The following SYP variants were observed in gnomAD, a reference collection of about 807,000 sequenced individuals.
SYP encodes major synaptic vesicle protein P38.
SYP carries 2 observed loss-of-function variants against 24.3 expected under a neutral mutation model. That is an observed-to-expected ratio of 0.08 (90% confidence interval 0.03 to 0.26). The LOEUF is 0.26. Ranked by LOEUF, SYP falls within the 10% of genes least tolerant of loss-of-function variation. The pLI is 1.00. For synonymous variants in SYP, 143 were observed against 123.2 expected (o/e 1.16, Z -1.07); for missense variants, 216 against 266.3 (o/e 0.81, Z 1.32).
At chrX:49,198,233 ATGTCTCTTTT>A (rs2065536016) in intron 2 of SYP, 2 of 198,849 alleles carry the variant, frequency 1.0e-5, no homozygotes, top group Non-Finnish European at 1.8e-5. Flanking sequence ...TGATCTGTCG[ATGTCTCTTTT>A]TGTCTCTTTT....
At chrX:49,191,240 T>G in intron 6 of SYP, 193 bp downstream of exon 6, 1 of 489,920 alleles carries the variant, frequency 2.0e-6, no homozygotes, top group African/African-American at 2.3e-5. Context: ...CATTCTTCTT[T>G]TCTCCATTCA....
intron 5 of SYP, 21 bp downstream of exon 5, chrX:49,193,251 C>T: frequency 1.7e-6 from 2 of 1,209,868 alleles, no homozygotes; most frequent in Non-Finnish European, 2.2e-6. Context: ...CTCCCTCCTC[C>T]AGCCAGCACC....
chrX:49,190,991 T>G (rs1557102599), intron 6 of SYP: 1 of 160,539 alleles, frequency 6.2e-6, no homozygotes, highest in Non-Finnish European at 1.2e-5. Context: ...ACCTTCAAGA[T>G]CCACGCCCAT....
At position 49,200,172 on chromosome X, in the gene SYP, C is replaced by A; in HGVS notation, c.15G>T (p.Ala5=). The A allele has an allele frequency of 1.5e-5, 18 of 1,165,461 alleles. No homozygotes were observed. The highest frequency in any genetic ancestry group is 2.1e-5 in the Non-Finnish European group (18 of 871,927). ...GTACCTGATTCACCACGTCCATGTC[C>A]GCCAGCAGCAGCATCAGCAATGCAG... The part of the protein sequence containing the change: MLLL[A]DMDVVNQLVA... The change falls in exon 1 of 7, where the codon GCG becomes GCT. Residue 5 remains alanine (A), a synonymous_variant. Coordinates refer to ENST00000263233, the MANE Select transcript of SYP (RefSeq NM_003179.3).
At chrX:49,197,677 T>C in intron 3 of SYP, 38 bp downstream of exon 3, 1 of 1,199,131 alleles carries the variant, frequency 8.3e-7, no homozygotes, top group East Asian at 3.0e-5. Context: ...TGCCCCTTCC[T>C]CTCCCAGGTC....
chrX:49,198,895 A>C (rs2065539266), intron 2 of SYP, 73 bp downstream of exon 2: 3 of 1,118,776 alleles, frequency 2.7e-6, no homozygotes, highest in East Asian at 3.1e-5. Context: ...CCCCTACTCC[A>C]CCCCTGCTCT....
At chrX:49,197,528 G>T in intron 3 of SYP, 187 bp downstream of exon 3, 1 of 598,659 alleles carries the variant, frequency 1.7e-6, no homozygotes, top group Non-Finnish European at 2.6e-6. Flanking sequence ...GCCTATGTCT[G>T]CCTTGCTCAC....
At chrX:49,198,024 TC>T in intron 2 of SYP, 185 bp from the exon 3 acceptor site, 2 of 507,939 alleles carry the variant, frequency 3.9e-6, no homozygotes, top group Non-Finnish European at 6.6e-6. Context: ...GGCTGTCTCT[TC>T]CTGTTTCTCT....
In SYP at chrX:49,194,163, C is replaced by T; in HGVS notation, c.423+3G>A. The T allele has an allele frequency of 8.3e-7, 1 of 1,211,119 alleles. No individual in the cohort carries two copies. The highest frequency in any genetic ancestry group is 1.1e-6 in the Non-Finnish European group (1 of 895,310). On this transcript the variant is annotated splice_donor_region_variant and intron_variant, in intron 4 of 6. Transcript: ENST00000263233. ...CTACATGCAAGTGGCTGTGGGGACT[C>T]ACCAGCATGGGCCCTTTGTTATTCT...
Position 49,191,737 on chromosome X carries a change from G to A in SYP, c.642C>T (p.Leu214=), listed in dbSNP as rs1483007323. 8.3e-7 allele frequency: 1 copy of A among 1,207,138 alleles called. No individual in the cohort carries two copies. Among genetic ancestry groups the A allele is most frequent in the Non-Finnish European group, 1.1e-6 (1 of 893,562 alleles). ...SVVFGFLNLV[L]WVGNLWFVFK... ...ACACGAACCACAGGTTGCCGACCCA[G>A]AGCACCAGGTTCAGGAAGCCGAACA... The change falls in exon 6 of 7, where the codon CTC becomes CTT. Residue 214 remains leucine, a synonymous_variant. Coordinates refer to ENST00000263233, the MANE Select transcript of SYP (RefSeq NM_003179.3).
At chrX:49,197,403 T>C (rs2065532340) in intron 3 of SYP, 1 of 292,510 alleles carries the variant, frequency 3.4e-6, no homozygotes. Flanking sequence ...TAATATTGGC[T>C]AACATTAATT....
Position 49,199,522 on chromosome X carries a change from T to G in SYP, c.37-489A>C, listed in dbSNP as rs782459795. Among the ~76,000 whole-genome samples the G allele has an allele frequency of 4.1e-5, 4 of 97,193 alleles. No individual in the cohort carries two copies. In the South Asian group the frequency reaches 2.1e-3, roughly 50 times the overall value. The allele number at this position is 97,193 out of a possible 115,157, so 84.4% of individuals were successfully genotyped here. ...GATGGGGATGGGGAAGGGTTGGGAC[T>G]GATTGGGGGTGAGTTTCTGAGGTGG... On this transcript the variant is annotated intron_variant, in intron 1 of 6. Coordinates refer to ENST00000263233, the MANE Select transcript of SYP (RefSeq NM_003179.3).
At chrX:49,196,896 A>G (rs886666838) in intron 3 of SYP, 5 of 112,293 alleles carry the variant, frequency 4.5e-5, no homozygotes, top group Non-Finnish European at 7.5e-5. Flanking sequence ...TCTCTACCAT[A>G]AAACCCTACA....
intron 2 of SYP, 142 bp downstream of exon 2, chrX:49,198,826 C>T (rs782229835): frequency 2.9e-6 from 2 of 692,126 alleles, no homozygotes; most frequent in Non-Finnish European, 4.5e-6. Flanking sequence ...CCTGAAACCT[C>T]ACCCTGGAGC....
rs186830998 is a variant in SYP, at chrX:49,191,088, C to A, written c.*4+345G>T. ...CTCCTCGTCGCTTCCGTGGCTCTTG[C>A]GCTCCGCTGATTCGCCACTGCGCAA... On this transcript the variant is annotated intron_variant, in intron 6 of 6. Coordinates refer to ENST00000263233, the MANE Select transcript of SYP (RefSeq NM_003179.3). The A allele has an allele frequency of 1.1e-4, 34 of 323,047 alleles. 1 individual carries two copies. The South Asian group carries it at 1.2e-3, about 12-fold the overall frequency. The allele number at this position is 323,047 out of a possible 1,213,427, so 26.6% of individuals were successfully genotyped here.
rs1443128450 is a variant in SYP, at chrX:49,188,114, A to C, written c.*1173T>G. The C allele has an allele frequency of 6.3e-5, 7 of 110,982 alleles. No homozygotes were observed. Among genetic ancestry groups the C allele is most frequent in the African/African-American group, 2.3e-4 (7 of 30,379 alleles). The allele number at this position is 110,982 out of a possible 1,213,427, so 9.1% of individuals were successfully genotyped here. On this transcript the variant is annotated 3_prime_UTR_variant, in exon 7 of 7. Transcript: ENST00000263233. ...GAAGAGGGGTGGGCCAGTCCCACAGACCCGTTGGTTCTGTCCTCCTATTAA... is the reference window on the plus strand; with the variant it reads ...GAAGAGGGGTGGGCCAGTCCCACAGCCCCGTTGGTTCTGTCCTCCTATTAA...
At chrX:49,197,364 T>A in intron 3 of SYP, 1 of 227,379 alleles carries the variant, frequency 4.4e-6, no homozygotes, top group Non-Finnish European at 8.1e-6. Flanking sequence ...CAAAAATGTG[T>A]ATAGAATGAA....
chrX:49,198,849 T>G, intron 2 of SYP, 119 bp downstream of exon 2: 1 of 799,472 alleles, frequency 1.3e-6, no homozygotes. Context: ...AATTCCCCCA[T>G]CCCCTACAAC....
intron 6 of SYP, chrX:49,191,161 C>A: frequency 7.3e-6 from 3 of 411,999 alleles, no homozygotes; most frequent in Non-Finnish European, 1.3e-5. Context: ...TTCTCTCCCC[C>A]CGCCTTTCCG....
Sources: gnomAD v4.1 joint callset for allele counts (sites outside exome capture counted in the v4.1 genomes callset) on GRCh38, gnomAD v4.1.1 for gene constraint, MANE v1.5 for transcripts, NCBI Gene and HGNC (gene_info 2026-07-23, HGNC 2026-07-21) for gene names.